TDRD9: variants seen among roughly 807,000 people sequenced by gnomAD.
The protein encoded by TDRD9 is tudor domain containing 9.
TDRD9 carries 124 observed loss-of-function variants against 172.6 expected under a neutral mutation model. The observed-to-expected ratio is 0.72, with a 90% CI of 0.62 to 0.83. The LOEUF (loss-of-function observed/expected upper bound fraction) is 0.83, where lower values mean the gene tolerates loss of function less well. Ranked by LOEUF, TDRD9 falls within the 40% of genes least tolerant of loss-of-function variation. The pLI, the probability that TDRD9 is intolerant of heterozygous loss-of-function variation, is 0.00. For missense variants in TDRD9, 1,479 were observed against 1,714.1 expected, an observed-to-expected ratio of 0.86 and a Z score of 2.42; for synonymous variants, 619 against 617.1, an observed-to-expected ratio of 1.00 and a Z score of -0.05.
At position 103,968,659 on chromosome 14, in the gene TDRD9, G is replaced by A. The variant is rs2032862519; in HGVS notation, c.765+1828G>A. Among the ~76,000 whole-genome samples the A allele has an allele frequency of 2.0e-5, 3 of 150,354 alleles. No homozygotes were observed. The South Asian group carries it at 6.4e-4, about 32-fold the overall frequency. ...AAAATACAAAAAATTAGCCGGGCGT[G>A]GTGGCGGGCGCCTGTAGTCCCAGCT... On this transcript the variant is annotated intron_variant, in intron 5 of 35. Transcript: ENST00000409874.
chr14:104,044,788 C>T (rs181571741), intron 34 of TDRD9, among the ~76,000 whole-genome samples: 21 of 152,196 alleles, frequency 1.4e-4, no homozygotes, highest in African/African-American at 4.1e-4. Flanking sequence ...ATTTTTCTCT[C>T]GGGAAGATAT....
chr14:103,978,036 G>A (rs773453764), intron 7 of TDRD9, among the ~76,000 whole-genome samples: 1 of 152,116 alleles, frequency 6.6e-6, no homozygotes, highest in African/African-American at 2.4e-5. Flanking sequence ...CTGTGTGTCT[G>A]TTTTTATGCC....
Position 103,992,187 on chromosome 14 carries a change from T to C in TDRD9, c.1180+963T>C, listed in dbSNP as rs74086982. ...TCTGAAAAGATGAATTTATGTTAAA[T>C]TGTACTTTTTCAAAATTACTTGATG... On this transcript the variant is annotated intron_variant, in intron 9 of 35. Coordinates refer to ENST00000409874, the MANE Select transcript of TDRD9 (RefSeq NM_153046.3). Among the ~76,000 whole-genome samples, 287 of 152,340 alleles carry C rather than the reference T, an allele frequency of 1.9e-3. 1 individual carries two copies. Among genetic ancestry groups the C allele is most frequent in the African/African-American group, 6.7e-3 (280 of 41,578 alleles).
rs201246963 is a variant in TDRD9 at position 104,018,185 on chromosome 14, G to C, written c.2425G>C (p.Gly809Arg). ...TCAAGTCAAATCCATTGTATTTGAT[G>C]GTGCAAAGTAAGTATATTTTTGTAA... is the stretch of plus-strand genomic sequence containing the variant. Reference protein sequence around the residue: ...CGQVKSIVFDGAKAFVEFSRN... With the variant: ...CGQVKSIVFDRAKAFVEFSRN... Residue 809 changes from glycine to arginine, a missense_variant, in exon 23 of 36, where the codon GGT becomes CGT. Around this residue, in one of 3 missense-constraint regions of TDRD9, gnomAD observed 1,413 missense variants for 1,649.1 expected, o/e 0.86. Transcript: ENST00000409874. 6.4e-7 allele frequency: 1 copy of C among 1,572,684 alleles called. No homozygotes were observed. Among genetic ancestry groups the C allele is most frequent in the Non-Finnish European group, 8.7e-7 (1 of 1,147,252 alleles).
In TDRD9 at chr14:104,030,469, C is replaced by T. The variant is rs185318109; in HGVS notation, c.3283-639C>T. 9.2e-5 allele frequency among the ~76,000 whole-genome samples: 14 copies of T among 152,158 alleles called. No individual in the cohort carries two copies. In the East Asian group the frequency reaches 9.7e-4, roughly 11 times the overall value. ...TTGCGCCATTGCACTCCAGCCTGGG[C>T]GACAAGAGTGAGACTCCGTCTCAAA... On this transcript the variant is annotated intron_variant, in intron 28 of 35. Transcript: ENST00000409874.
At chr14:104,008,630 C>G (rs1029404026) in intron 20 of TDRD9, among the ~76,000 whole-genome samples, 164 bp downstream of exon 20, 1 of 152,166 alleles carries the variant, frequency 6.6e-6, no homozygotes, top group African/African-American at 2.4e-5. Context: ...TGTGTTTTCA[C>G]CTTTCAGTAG....
Position 104,026,700 on chromosome 14 carries a change from A to C in TDRD9, c.3043A>C (p.Lys1015Gln). Residue 1015 changes from lysine (K) to glutamine (Q), a missense_variant, in exon 28 of 36, where the codon AAA becomes CAA. Physicochemically the swap from Lys to Gln is moderately conservative, Grantham distance 53. This residue lies in a region of TDRD9 where 1,413 missense variants were observed against 1,649.1 expected (regional missense o/e 0.86). Transcript: ENST00000409874. The part of the protein sequence containing the change: ...PFQALEFKIC[K>Q]MRPSAKSLVC... Reference sequence around the variant, plus strand: ...GTAGGCTTTGGAATTTAAGATTTGCAAAATGAGACCATCAGCAAAGTCTCT... The same window carrying C: ...GTAGGCTTTGGAATTTAAGATTTGCCAAATGAGACCATCAGCAAAGTCTCT... The C allele has an allele frequency of 6.2e-7, 1 of 1,614,040 alleles. No homozygotes were observed. The highest frequency in any genetic ancestry group is 8.5e-7 in the Non-Finnish European group (1 of 1,179,874).
intron 8 of TDRD9, among the ~76,000 whole-genome samples, 199 bp downstream of exon 8, chr14:103,986,519 T>G (rs1410530114): frequency 2.0e-5 from 3 of 152,244 alleles, no homozygotes; most frequent in Non-Finnish European, 4.4e-5. Context: ...ATTAAAGCCA[T>G]GCTGAGTGCA....
chr14:104,006,802 G>T lies in TDRD9; in HGVS notation c.1964G>T (p.Gly655Val). Residue 655 changes from glycine (G) to valine (V), a missense_variant, in exon 18 of 36, where the codon GGC becomes GTC. Coordinates refer to ENST00000409874, the MANE Select transcript of TDRD9 (RefSeq NM_153046.3). ...TATAGGAACAAAGTGAATTTCTCTG[G>T]CAGTAGCAAGAGTGACTGTATTGCA... ...DGYRNKVNFS[G>V]SSKSDCIALV... is the part of the protein sequence containing the mutation. 9 of 1,613,496 alleles carry T rather than the reference G, an allele frequency of 5.6e-6. No individual in the cohort carries two copies. The highest frequency in any genetic ancestry group is 7.6e-6 in the Non-Finnish European group (9 of 1,179,656).
chr14:104,043,818 GAGA>G (rs1403276379), intron 34 of TDRD9, among the ~76,000 whole-genome samples: 1 of 152,218 alleles, frequency 6.6e-6, no homozygotes. Context: ...CTGTCATCCA[GAGA>G]AGTTTACTCA....
intron 5 of TDRD9, 91 bp from the exon 6 acceptor site, chr14:103,970,450 G>A (rs2032969468): frequency 1.1e-6 from 1 of 876,064 alleles, no homozygotes; most frequent in African/African-American, 1.7e-5. Context: ...AACTGGTTTA[G>A]TCCCCAGTCC....
chr14:103,973,610 G>T (rs1283412746), intron 6 of TDRD9, among the ~76,000 whole-genome samples: 3 of 152,176 alleles, frequency 2.0e-5, no homozygotes, highest in Non-Finnish European at 4.4e-5. Context: ...AGTCCTGCTT[G>T]CTCCCTGCAT....
At chr14:104,015,825 T>A (rs2152232066) in intron 21 of TDRD9, among the ~76,000 whole-genome samples, 156 bp from the exon 22 acceptor site, 1 of 152,318 alleles carries the variant, frequency 6.6e-6, no homozygotes, top group Non-Finnish European at 1.5e-5. Context: ...AATTGTGACT[T>A]TCTGCTTGGT....
chr14:103,966,658 A>T, intron 4 of TDRD9, 51 bp from the exon 5 acceptor site: 2 of 1,458,566 alleles, frequency 1.4e-6, no homozygotes, highest in Non-Finnish European at 1.8e-6. Context: ...TAAAATGGAC[A>T]TAACTTTTTT....
intron 1 of TDRD9, chr14:103,939,764 T>TTTTTTTTTTTTTG (rs61621268): frequency 7.5e-6 from 1 of 133,076 alleles, no homozygotes; most frequent in Non-Finnish European, 1.6e-5. Context: ...TTTTTTTTTT[T>TTTTTTTTTTTTTG]GAGACAAGGT....
chr14:103,973,318 A>G (rs538117881), intron 6 of TDRD9, among the ~76,000 whole-genome samples: 1 of 152,356 alleles, frequency 6.6e-6, no homozygotes, highest in South Asian at 2.1e-4. Context: ...GCCGCTGTCA[A>G]GAGGACCTGG....
chr14:103,961,439 T>C (rs955070110), intron 2 of TDRD9, among the ~76,000 whole-genome samples: 1 of 152,048 alleles, frequency 6.6e-6, no homozygotes, highest in African/African-American at 2.4e-5. Context: ...GGTGGGCACC[T>C]GTAATCCCAG....
intron 28 of TDRD9, among the ~76,000 whole-genome samples, chr14:104,027,277 T>C (rs1470581048): frequency 6.6e-6 from 1 of 152,176 alleles, no homozygotes; most frequent in East Asian, 1.9e-4. Flanking sequence ...CTCAAACTCC[T>C]GGGCTTAAGG....
chr14:103,999,643 A>AT lies in TDRD9; in HGVS notation c.1483+915_1483+916insT, dbSNP rs1566771643. Among the ~76,000 whole-genome samples the AT allele has an allele frequency of 4.6e-5, 6 of 130,464 alleles. 1 individual carries two copies. Among genetic ancestry groups the AT allele is most frequent in the Non-Finnish European group, 6.7e-5 (4 of 59,782 alleles). The allele number at this position is 130,464 out of a possible 152,430, so 85.6% of individuals were successfully genotyped here. A position where few individuals can be genotyped will look rare whatever the true frequency, so the allele number is the denominator to read the frequency against. ...GCTTTTTTTTTTGTTTGTTTTTTAG[A>AT]AAACCTTTTGGGAAGGGTAGATAAA... On this transcript the variant is annotated intron_variant, in intron 13 of 35. Transcript: ENST00000409874.
Sources: allele counts gnomAD v4.1 joint callset (sites outside exome capture counted in the v4.1 genomes callset), GRCh38; gene constraint gnomAD v4.1.1; regional missense constraint gnomAD v4.1.1; transcripts MANE v1.5; gene names NCBI Gene and HGNC (gene_info 2026-07-23, HGNC 2026-07-21).